LRMDA: variants seen among roughly 807,000 people sequenced by gnomAD.
The protein encoded by LRMDA is leucine rich melanocyte differentiation associated, also known as leucine-rich melanocyte differentiation-associated protein.
Under a neutral mutation model 29.8 loss-of-function variants are expected in LRMDA, and 18 were observed. The observed-to-expected ratio is 0.60, with a 90% CI of 0.42 to 0.90. The LOEUF is 0.90. Among genes scored for constraint, LRMDA ranks in the 40% least tolerant of loss-of-function variants. The pLI is 0.00. For missense variants in LRMDA, 273 were observed against 273.9 expected (o/e 1.00, Z 0.02); for synonymous variants, 125 against 109.4 (o/e 1.14, Z -0.89).
chr10:75,609,708 G>A (rs1564521681), intron 2 of LRMDA, among the ~76,000 whole-genome samples: 1 of 152,204 alleles, frequency 6.6e-6, no homozygotes, highest in Non-Finnish European at 1.5e-5. Context: ...GTGCTATGAT[G>A]AGTCTTGCAA....
chr10:75,892,168 T>A lies in LRMDA; in HGVS notation c.132-143840T>A, dbSNP rs542813361. Among the ~76,000 whole-genome samples, 4 of 152,358 alleles carry A rather than the reference T, an allele frequency of 2.6e-5. No homozygotes were observed. The South Asian group carries it at 8.3e-4, about 32-fold the overall frequency. On this transcript the variant is annotated intron_variant, in intron 2 of 6. Coordinates refer to ENST00000611255, the MANE Select transcript of LRMDA (RefSeq NM_001305581.2). ...TTCCATATAGTGCGCTTGCTCGTTATATTCCTTGTCTATTCTCATTTTGAA... is the reference window on the plus strand; with the variant it reads ...TTCCATATAGTGCGCTTGCTCGTTAAATTCCTTGTCTATTCTCATTTTGAA...
chr10:75,582,178 T>A (rs1400841900), intron 2 of LRMDA, among the ~76,000 whole-genome samples: 1 of 152,158 alleles, frequency 6.6e-6, no homozygotes, highest in East Asian at 1.9e-4. Context: ...TTCTCACAGC[T>A]CCACTAAACA....
intron 1 of LRMDA, among the ~76,000 whole-genome samples, chr10:75,434,474 ACTCG>A (rs1844243188): frequency 6.6e-6 from 1 of 152,134 alleles, no homozygotes; most frequent in Non-Finnish European, 1.5e-5. Flanking sequence ...GAGGAAACAG[ACTCG>A]AAGATGGTGA....
At chr10:76,377,263 G>A (rs917579638) in intron 6 of LRMDA, among the ~76,000 whole-genome samples, 1 of 151,966 alleles carries the variant, frequency 6.6e-6, no homozygotes, top group Non-Finnish European at 1.5e-5. Context: ...TTTTCTTGTT[G>A]AGTTGTTTGA....
At chr10:76,263,960 G>A (rs776030021) in intron 5 of LRMDA, among the ~76,000 whole-genome samples, 1 of 152,210 alleles carries the variant, frequency 6.6e-6, no homozygotes, top group Non-Finnish European at 1.5e-5. Context: ...CTCATTCGTA[G>A]GTAATCTTGC....
chr10:75,884,269 GT>G (rs1436975978), intron 2 of LRMDA, among the ~76,000 whole-genome samples: 179 of 150,616 alleles, frequency 1.2e-3, no homozygotes, highest in African/African-American at 1.6e-3. Flanking sequence ...GTGTGTGTGT[GT>G]GTGTGTGTGT....
At chr10:75,978,747 G>A (rs1847116612) in intron 2 of LRMDA, among the ~76,000 whole-genome samples, 1 of 152,114 alleles carries the variant, frequency 6.6e-6, no homozygotes, top group Non-Finnish European at 1.5e-5. Flanking sequence ...TTTTTTATTT[G>A]AATAATCTTA....
intron 6 of LRMDA, among the ~76,000 whole-genome samples, chr10:76,474,652 A>G (rs1320091153): frequency 6.6e-6 from 1 of 151,716 alleles, no homozygotes; most frequent in Non-Finnish European, 1.5e-5. Flanking sequence ...CATTAGGAAA[A>G]TGCAAATCAA....
At chr10:75,699,200 C>CA (rs140938454) in intron 2 of LRMDA, among the ~76,000 whole-genome samples, 24,249 of 107,254 alleles carry the variant, frequency 0.23, 2,230 homozygotes, top group Middle Eastern at 0.35. Context: ...GACTTGGTCT[C>CA]AAAAAAAAAA....
chr10:76,090,956 T>C (rs918178190), intron 5 of LRMDA, among the ~76,000 whole-genome samples: 2 of 152,236 alleles, frequency 1.3e-5, no homozygotes, highest in Non-Finnish European at 2.9e-5. Flanking sequence ...CTGAGCTATA[T>C]ATTTAGAAAT....
At chr10:75,802,395 G>C (rs1209781273) in intron 2 of LRMDA, among the ~76,000 whole-genome samples, 2 of 151,648 alleles carry the variant, frequency 1.3e-5, no homozygotes, top group Non-Finnish European at 2.9e-5. Flanking sequence ...ATTAAGGAAG[G>C]CCGGTCTAGC....
chr10:76,042,552 G>A (rs1348763130), intron 3 of LRMDA, among the ~76,000 whole-genome samples: 1 of 152,130 alleles, frequency 6.6e-6, no homozygotes, highest in African/African-American at 2.4e-5. Flanking sequence ...GCAAAATTAG[G>A]TATGAAATGA....
intron 2 of LRMDA, among the ~76,000 whole-genome samples, chr10:75,965,866 C>T (rs1846850982): frequency 1.3e-5 from 2 of 152,178 alleles, no homozygotes; most frequent in Non-Finnish European, 1.5e-5. Flanking sequence ...TCCCTGGCTC[C>T]TTGACACTGG....
At chr10:75,963,796 G>A (rs1436484305) in intron 2 of LRMDA, among the ~76,000 whole-genome samples, 1 of 152,190 alleles carries the variant, frequency 6.6e-6, no homozygotes, top group Non-Finnish European at 1.5e-5. Context: ...CTGATGCCAG[G>A]AATTCTATGC....
chr10:76,086,613 G>A (rs1354711591), intron 5 of LRMDA, among the ~76,000 whole-genome samples: 1 of 152,144 alleles, frequency 6.6e-6, no homozygotes, highest in East Asian at 1.9e-4. Context: ...CCTTCTCTGT[G>A]GCTACCACAC....
intron 5 of LRMDA, among the ~76,000 whole-genome samples, chr10:76,203,938 T>C (rs914009463): frequency 2.0e-5 from 3 of 149,552 alleles, no homozygotes; most frequent in Non-Finnish European, 3.0e-5. Flanking sequence ...CCCTATTCCA[T>C]GTGCCCATCT....
At chr10:75,550,115 C>A (rs1024108750) in intron 2 of LRMDA, among the ~76,000 whole-genome samples, 1 of 152,116 alleles carries the variant, frequency 6.6e-6, no homozygotes, top group Non-Finnish European at 1.5e-5. Flanking sequence ...TGCTCAGAAA[C>A]TAGTCTGTCT....
chr10:75,949,969 C>G (rs1328082983), intron 2 of LRMDA, among the ~76,000 whole-genome samples: 2 of 152,200 alleles, frequency 1.3e-5, no homozygotes. Flanking sequence ...TTCTGAAGCC[C>G]AGAGAACTCT....
At chr10:75,734,612 C>T (rs1842738855) in intron 2 of LRMDA, among the ~76,000 whole-genome samples, 1 of 152,156 alleles carries the variant, frequency 6.6e-6, no homozygotes, top group South Asian at 2.1e-4. Flanking sequence ...TGTTCACTTA[C>T]TCTGTGAATG....
Sources: gnomAD v4.1 joint callset for allele counts (sites outside exome capture counted in the v4.1 genomes callset) on GRCh38, gnomAD v4.1.1 for gene constraint, MANE v1.5 for transcripts, NCBI Gene and HGNC (gene_info 2026-07-23, HGNC 2026-07-21) for gene names.